Variants in BCAR3 observed in about 807,000 individuals in gnomAD.
BCAR3 encodes the protein breast cancer anti-estrogen resistance protein 3.
In BCAR3, 37 loss-of-function variants were observed where a neutral mutation model predicts 80.1. The observed-to-expected ratio is 0.46, with a 90% CI of 0.36 to 0.61. BCAR3 has a LOEUF of 0.61. BCAR3 is among the 20% of genes least tolerant of loss of function. The pLI is 0.00. For missense variants in BCAR3, 978 were observed against 1,068.2 expected, an observed-to-expected ratio of 0.92 and a Z score of 1.18; for synonymous variants, 389 against 418.9, an observed-to-expected ratio of 0.93 and a Z score of 0.87.
At chr1:93,563,026 G>C (rs1672766920) in intron 11 of BCAR3, among the ~76,000 whole-genome samples, 2 of 151,968 alleles carry the variant, frequency 1.3e-5, no homozygotes, top group Admixed American at 1.3e-4. Context: ...TGGGAAGGAG[G>C]GTTCATTGTA....
At chr1:93,617,786 G>A (rs1399824802) in intron 3 of BCAR3, among the ~76,000 whole-genome samples, 2 of 152,156 alleles carry the variant, frequency 1.3e-5, no homozygotes, top group Non-Finnish European at 2.9e-5. Flanking sequence ...GATTAGCCTG[G>A]ACCTTGCCCC....
At chr1:93,582,227 A>T in intron 7 of BCAR3, 74 bp downstream of exon 7, 1 of 1,530,294 alleles carries the variant, frequency 6.5e-7, no homozygotes, top group Non-Finnish European at 8.8e-7. Flanking sequence ...TACAAAAGCC[A>T]GAGGAGCACC....
At chr1:93,657,662 T>C (rs1034859172) in intron 2 of BCAR3, among the ~76,000 whole-genome samples, 1 of 150,240 alleles carries the variant, frequency 6.7e-6, no homozygotes, top group Non-Finnish European at 1.5e-5. Flanking sequence ...AAGAGAAAAA[T>C]AATTTTGAAC....
intron 3 of BCAR3, among the ~76,000 whole-genome samples, chr1:93,608,338 C>T (rs2101875446): frequency 6.6e-6 from 1 of 152,320 alleles, no homozygotes; most frequent in Admixed American, 6.5e-5. Context: ...CCAGGACAGG[C>T]TGAGTCTCCT....
At chr1:93,591,864 G>A (rs763659231) in intron 4 of BCAR3, among the ~76,000 whole-genome samples, 29 of 152,272 alleles carry the variant, frequency 1.9e-4, no homozygotes, top group African/African-American at 6.3e-4. Context: ...CTCTCCTCCC[G>A]AAGCTAAGCC....
chr1:93,643,793 A>T (rs1676072622), intron 2 of BCAR3, among the ~76,000 whole-genome samples: 1 of 152,144 alleles, frequency 6.6e-6, no homozygotes, highest in Non-Finnish European at 1.5e-5. Flanking sequence ...ATCTTGCCAC[A>T]AAAACAAAAA....
At chr1:93,643,019 G>A (rs1676033446) in intron 2 of BCAR3, among the ~76,000 whole-genome samples, 1 of 151,810 alleles carries the variant, frequency 6.6e-6, no homozygotes, top group South Asian at 2.1e-4. Context: ...AGGCAGGTGG[G>A]GAGTTCGAGA....
intron 2 of BCAR3, among the ~76,000 whole-genome samples, chr1:93,819,524 C>G (rs1654141849): frequency 6.6e-6 from 1 of 152,202 alleles, no homozygotes; most frequent in Non-Finnish European, 1.5e-5. Flanking sequence ...GCTTCCTACT[C>G]TTAGCTCTCT....
chr1:93,598,254 G>C (rs894097604), intron 3 of BCAR3, among the ~76,000 whole-genome samples: 1 of 152,194 alleles, frequency 6.6e-6, no homozygotes. Flanking sequence ...AAGACGGGAC[G>C]GGGAGGGGTG....
intron 2 of BCAR3, among the ~76,000 whole-genome samples, chr1:93,776,069 A>G (rs1013831124): frequency 6.6e-6 from 1 of 152,216 alleles, no homozygotes; most frequent in Non-Finnish European, 1.5e-5. Flanking sequence ...GCTGCAGTGA[A>G]TAAGTTTGAA....
chr1:93,729,307 A>T (rs1159197064), intron 2 of BCAR3, among the ~76,000 whole-genome samples: 2 of 152,086 alleles, frequency 1.3e-5, no homozygotes, highest in African/African-American at 2.4e-5. Flanking sequence ...GTTAGCCTAG[A>T]GTTGGGGAAA....
intron 5 of BCAR3, among the ~76,000 whole-genome samples, chr1:93,587,690 G>T (rs1674000023): frequency 7.1e-6 from 1 of 140,346 alleles, no homozygotes; most frequent in African/African-American, 3.0e-5. Flanking sequence ...TTTCCTCATG[G>T]ACCCCCCCGC....
intron 3 of BCAR3, among the ~76,000 whole-genome samples, chr1:93,621,423 G>C (rs534146287): frequency 1.2e-4 from 19 of 152,290 alleles, no homozygotes; most frequent in African/African-American, 4.6e-4. Flanking sequence ...ATTTCAAAGA[G>C]TCACGTGACC....
In BCAR3 at chr1:93,637,020, G is replaced by A. The variant is rs565788546; in HGVS notation, c.357+5284C>T. On this transcript the variant is annotated intron_variant, in intron 3 of 11. Coordinates refer to ENST00000260502, the MANE Select transcript of BCAR3 (RefSeq NM_003567.4). The stretch of plus-strand genomic sequence containing the variant: ...CTGAGGTGGGAGGATTGCTTGAGCC[G>A]AGGAGTTCAAAGCTTCAGTGAGCTA... Among the ~76,000 whole-genome samples the A allele has an allele frequency of 4.6e-5, 7 of 152,156 alleles. No homozygotes were observed. In the East Asian group the frequency reaches 1.2e-3, roughly 25 times the overall value.
At chr1:93,729,367 T>C (rs1261886182) in intron 2 of BCAR3, among the ~76,000 whole-genome samples, 1 of 152,192 alleles carries the variant, frequency 6.6e-6, no homozygotes, top group East Asian at 1.9e-4. Flanking sequence ...GTATCTCATG[T>C]AGTTTATTAA....
At chr1:93,782,801 C>T (rs923403505) in intron 2 of BCAR3, among the ~76,000 whole-genome samples, 6 of 152,106 alleles carry the variant, frequency 3.9e-5, no homozygotes, top group Non-Finnish European at 7.3e-5. Context: ...GGATAGTATA[C>T]GATTGATGGA....
intron 3 of BCAR3, among the ~76,000 whole-genome samples, chr1:93,617,351 A>T (rs886883388): frequency 6.6e-6 from 1 of 152,158 alleles, no homozygotes; most frequent in Non-Finnish European, 1.5e-5. Flanking sequence ...GTTTCAGCAC[A>T]TCTGGAACGT....
chr1:93,685,673 A>G (rs1648950650), upstream of BCAR3, among the ~76,000 whole-genome samples: 1 of 152,214 alleles, frequency 6.6e-6, no homozygotes, highest in East Asian at 1.9e-4. Context: ...GTCCAAGGGT[A>G]TATGCATTTG....
At chr1:93,675,925 C>CA (rs58706715) in intron 1 of BCAR3, among the ~76,000 whole-genome samples, 4,142 of 50,482 alleles carry the variant, frequency 0.082, 54 homozygotes, top group Non-Finnish European at 0.11. Context: ...AAATAGGAGA[C>CA]AAAAAAAAAA....
Sources: allele counts gnomAD v4.1 joint callset (sites outside exome capture counted in the v4.1 genomes callset), GRCh38; gene constraint gnomAD v4.1.1; transcripts MANE v1.5; gene names NCBI Gene and HGNC (gene_info 2026-07-23, HGNC 2026-07-21).